KDM4B: variants seen among roughly 807,000 people sequenced by gnomAD.
KDM4B encodes the protein lysine-specific demethylase 4B.
Under a neutral mutation model 125.2 loss-of-function variants are expected in KDM4B, and 32 were observed. The ratio of observed to expected loss-of-function variants is 0.26; its 90% CI spans 0.19 to 0.34. KDM4B has a LOEUF of 0.34. KDM4B is among the 10% of genes least tolerant of loss of function. The pLI is 1.00. For synonymous variants in KDM4B, 721 were observed against 677.9 expected, an observed-to-expected ratio of 1.06 and a Z score of -0.99; for missense variants, 1,190 against 1,577.7, an observed-to-expected ratio of 0.75 and a Z score of 4.16.
At chr19:5,045,791 G>A (rs2037007251) in intron 5 of KDM4B, among the ~76,000 whole-genome samples, 1 of 152,126 alleles carries the variant, frequency 6.6e-6, no homozygotes, top group Admixed American at 6.5e-5. Flanking sequence ...TGTATTTTTA[G>A]TAGAGACGAG....
intron 1 of KDM4B, among the ~76,000 whole-genome samples, chr19:4,990,032 G>A (rs912366094): frequency 1.3e-5 from 2 of 152,144 alleles, no homozygotes; most frequent in African/African-American, 4.8e-5. Context: ...GCTTATGCCT[G>A]TCATCCAAGC....
At chr19:5,132,877 C>T (rs951665294) in intron 13 of KDM4B, among the ~76,000 whole-genome samples, 1 of 152,212 alleles carries the variant, frequency 6.6e-6, no homozygotes, top group Non-Finnish European at 1.5e-5. Flanking sequence ...CGCTTAGGGC[C>T]TTCCCTGGGC....
rs975794543 is a variant in KDM4B, at chr19:5,084,352, A to G, written c.918+1848A>G. On this transcript the variant is annotated intron_variant, in intron 9 of 22. Coordinates refer to ENST00000159111, the MANE Select transcript of KDM4B (RefSeq NM_015015.3). ...GTATATAATTTATATATTGTATGTA[A>G]TTTATATATTGTATATAATTTATAT... 9.7e-5 allele frequency among the ~76,000 whole-genome samples: 14 copies of G among 144,796 alleles called. 1 individual carries two copies. The South Asian group carries it at 3.0e-3, about 31-fold the overall frequency. 95.0% of individuals were successfully genotyped at this position (144,796 alleles called of 152,430 possible). A position where few individuals can be genotyped will look rare whatever the true frequency, so the allele number is the denominator to read the frequency against.
At chr19:5,020,751 T>C (rs1480817611) in intron 2 of KDM4B, among the ~76,000 whole-genome samples, 2 of 152,238 alleles carry the variant, frequency 1.3e-5, no homozygotes, top group Non-Finnish European at 2.9e-5. Context: ...GGTTTCCTTG[T>C]TCAGGCCTCG....
chr19:5,019,729 GGGTGTT>G (rs1158578084), intron 2 of KDM4B, among the ~76,000 whole-genome samples: 2 of 133,876 alleles, frequency 1.5e-5, no homozygotes, highest in South Asian at 2.7e-4. Context: ...GTGCAGGTGT[GGGTGTT>G]GGTGTGGGTG....
intron 1 of KDM4B, among the ~76,000 whole-genome samples, chr19:4,980,577 C>G (rs1176623471): frequency 6.6e-6 from 1 of 151,890 alleles, no homozygotes; most frequent in Non-Finnish European, 1.5e-5. Flanking sequence ...GCACCTGCCA[C>G]CACACCCGGC....
chr19:5,062,263 T>G (rs1047846412), intron 6 of KDM4B, among the ~76,000 whole-genome samples: 3 of 152,246 alleles, frequency 2.0e-5, no homozygotes, highest in African/African-American at 7.2e-5. Context: ...TCCACTCCCT[T>G]GCCTGTGCAG....
Position 5,013,346 on chromosome 19 carries a change from G to A in KDM4B, c.-108-2911G>A, listed in dbSNP as rs1052322369. ...CAGCAGGTCACAGGGGAGAGGCCTG[G>A]GTGGCCCCTGGGAGTGGACAGGCCC... is the stretch of plus-strand genomic sequence containing the variant. On this transcript the variant is annotated intron_variant, in intron 1 of 22. Coordinates refer to ENST00000159111, the MANE Select transcript of KDM4B (RefSeq NM_015015.3). 3.3e-5 allele frequency among the ~76,000 whole-genome samples: 5 copies of A among 152,166 alleles called. No homozygotes were observed. In the South Asian group the frequency reaches 1.0e-3, roughly 31 times the overall value.
At chr19:4,988,870 A>G (rs2034936591) in intron 1 of KDM4B, among the ~76,000 whole-genome samples, 1 of 152,070 alleles carries the variant, frequency 6.6e-6, no homozygotes, top group South Asian at 2.1e-4. Flanking sequence ...CTGGGTGATC[A>G]AGTCAGCCTT....
At chr19:5,113,404 T>C (rs1378319673) in intron 10 of KDM4B, 1 of 151,542 alleles carries the variant, frequency 6.6e-6, no homozygotes, top group African/African-American at 2.4e-5. Context: ...TGACTCACGT[T>C]CCAAAGCCCA....
chr19:5,146,063 C>G (rs910219689), intron 21 of KDM4B, among the ~76,000 whole-genome samples: 2 of 149,448 alleles, frequency 1.3e-5, no homozygotes, highest in Non-Finnish European at 3.0e-5. Context: ...CGGCCCCGCC[C>G]GGTCACCACT....
In KDM4B at chr19:5,047,441, C is replaced by T. The variant is rs375347739; in HGVS notation, c.433-35C>T. ...AGGGCTCGCAGGTTCTGGGGGTGGC[C>T]GGGCGGTTGCCGACGCTGCTCTGCC... On this transcript the variant is annotated intron_variant, in intron 5 of 22. Transcript: ENST00000159111. 5.4e-5 allele frequency: 84 copies of T among 1,566,660 alleles called. No individual in the cohort carries two copies. The East Asian group carries it at 8.3e-4, about 16-fold the overall frequency.
At chr19:5,019,552 GCA>G (rs1188498091) in intron 2 of KDM4B, among the ~76,000 whole-genome samples, 5 of 149,276 alleles carry the variant, frequency 3.3e-5, no homozygotes, top group Non-Finnish European at 3.0e-5. Context: ...GTGTTGGTGT[GCA>G]GGTATTGGTG....
At chr19:5,016,801 C>T (rs1042062304) in intron 2 of KDM4B, among the ~76,000 whole-genome samples, 1 of 152,232 alleles carries the variant, frequency 6.6e-6, no homozygotes, top group Non-Finnish European at 1.5e-5. Context: ...GAGGTAGTTC[C>T]ATGGCCCAGC....
chr19:5,023,381 G>A (rs988953456), intron 2 of KDM4B, among the ~76,000 whole-genome samples: 2 of 152,370 alleles, frequency 1.3e-5, no homozygotes, highest in Non-Finnish European at 2.9e-5. Flanking sequence ...GTGGTGATGC[G>A]GTGCCAGGCC....
intron 1 of KDM4B, among the ~76,000 whole-genome samples, chr19:4,992,702 T>G (rs1275254565): frequency 6.6e-6 from 1 of 152,178 alleles, no homozygotes; most frequent in Non-Finnish European, 1.5e-5. Context: ...CCTCTCACCT[T>G]GGCCTCCCAA....
chr19:5,144,960 G>A (rs907716107), intron 21 of KDM4B, 58 bp downstream of exon 21: 14 of 1,605,568 alleles, frequency 8.7e-6, no homozygotes, highest in South Asian at 7.7e-5. Context: ...TTGTAGGTGC[G>A]GGGACAGGAG....
intron 18 of KDM4B, chr19:5,138,402 T>A (rs1042266201): frequency 6.3e-6 from 2 of 316,726 alleles, no homozygotes; most frequent in African/African-American, 2.2e-5. Context: ...GCACCGCACG[T>A]GCCCCGACAC....
chr19:5,047,225 G>A (rs2037054235), intron 5 of KDM4B: 4 of 467,714 alleles, frequency 8.6e-6, no homozygotes, highest in Non-Finnish European at 1.5e-5. Context: ...GATTACCTGA[G>A]CCTGGGAGGT....
Sources: allele counts gnomAD v4.1 joint callset (sites outside exome capture counted in the v4.1 genomes callset), GRCh38; gene constraint gnomAD v4.1.1; transcripts MANE v1.5; gene names NCBI Gene and HGNC (gene_info 2026-07-23, HGNC 2026-07-21).